Variants in CDK17 observed in about 807,000 individuals in gnomAD.
CDK17 encodes cyclin-dependent kinase 17.
Under a neutral mutation model 77.6 loss-of-function variants are expected in CDK17, and 24 were observed. The observed-to-expected ratio is 0.31, with a 90% confidence interval of 0.22 to 0.44. CDK17 has a LOEUF of 0.44. CDK17 is among the 20% of genes least tolerant of loss of function. CDK17 has a pLI of 1.00. For synonymous variants in CDK17, 203 were observed against 210.4 expected, an observed-to-expected ratio of 0.96 and a Z score of 0.30; for missense variants, 429 against 622.5, an observed-to-expected ratio of 0.69 and a Z score of 3.31.
In CDK17 at chr12:96,280,138, C is replaced by G; in HGVS notation, c.*104G>C. ...TCCACTGTGAAGAGGACAGTGTAGA[C>G]AAACGGAGATTCCAAGTCCACCAAA... On this transcript the variant is annotated 3_prime_UTR_variant, in exon 17 of 17. Transcript: ENST00000261211. The G allele has an allele frequency of 8.6e-7, 1 of 1,166,254 alleles. No homozygotes were observed. The highest frequency in any genetic ancestry group is 1.2e-6 in the Non-Finnish European group (1 of 826,444). 72.2% of individuals were successfully genotyped at this position (1,166,254 alleles called of 1,614,324 possible).
intron 5 of CDK17, among the ~76,000 whole-genome samples, chr12:96,310,817 T>G (rs1296830510): frequency 6.6e-6 from 1 of 150,730 alleles, no homozygotes; most frequent in Non-Finnish European, 1.5e-5. Context: ...ATTAATAACA[T>G]TTACCAAAAA....
intron 1 of CDK17, among the ~76,000 whole-genome samples, chr12:96,369,130 T>C (rs1041416928): frequency 1.3e-5 from 2 of 151,972 alleles, no homozygotes; most frequent in African/African-American, 2.4e-5. Flanking sequence ...ACTAATCAAA[T>C]TGGTAATTCA....
chr12:96,283,180 C>A (rs987792730), intron 14 of CDK17, among the ~76,000 whole-genome samples: 1 of 152,184 alleles, frequency 6.6e-6, no homozygotes, highest in African/African-American at 2.4e-5. Context: ...TTCTGTAAAG[C>A]TTTTGCTTCC....
intron 1 of CDK17, among the ~76,000 whole-genome samples, chr12:96,399,690 C>G (rs1254337966): frequency 6.6e-6 from 1 of 152,182 alleles, no homozygotes; most frequent in East Asian, 1.9e-4. Context: ...CAGCGAGCAC[C>G]GGAGGCGGCG....
At chr12:96,280,943 C>T in intron 15 of CDK17, 58 bp from the exon 16 acceptor site, 1 of 1,337,338 alleles carries the variant, frequency 7.5e-7, no homozygotes, top group Non-Finnish European at 1.1e-6. Flanking sequence ...CAAACACAAC[C>T]CTACTATCAA....
At chr12:96,305,439 T>C (rs1952565003) in intron 5 of CDK17, among the ~76,000 whole-genome samples, 1 of 152,214 alleles carries the variant, frequency 6.6e-6, no homozygotes, top group Non-Finnish European at 1.5e-5. Context: ...GTATGTGGTA[T>C]AGAAGAACTA....
At chr12:96,330,887 T>C (rs1045594731) in intron 2 of CDK17, among the ~76,000 whole-genome samples, 2 of 152,220 alleles carry the variant, frequency 1.3e-5, no homozygotes, top group Admixed American at 6.5e-5. Flanking sequence ...TGTTGGGTCA[T>C]ATAGTAAGTC....
At chr12:96,294,854 T>C (rs906735051) in intron 10 of CDK17, 145 bp downstream of exon 10, 2 of 641,236 alleles carry the variant, frequency 3.1e-6, no homozygotes, top group Admixed American at 7.1e-5. Context: ...CCAACCAAAG[T>C]TCTGTCAAAT....
At chr12:96,308,751 A>ATAATAG (rs1565813317) in intron 5 of CDK17, among the ~76,000 whole-genome samples, 1 of 147,734 alleles carries the variant, frequency 6.8e-6, no homozygotes, top group Non-Finnish European at 1.5e-5. Context: ...AATAATAATA[A>ATAATAG]TAATAATAAT....
rs187970264 is a variant in CDK17 at position 96,353,571 on chromosome 12, A to G, written c.-29-18706T>C. Among the ~76,000 whole-genome samples the G allele has an allele frequency of 1.9e-3, 271 of 141,702 alleles. 2 individuals carry two copies. The highest frequency in any genetic ancestry group is 6.2e-3 in the African/African-American group (245 of 39,586). The allele number at this position is 141,702 out of a possible 152,430, so 93.0% of individuals were successfully genotyped here. ...GTTTTACACACACTGCATATGTACC[A>G]CCAGAGCAAATGTCAACAGAGTTTA... On this transcript the variant is annotated intron_variant, in intron 1 of 16. Transcript: ENST00000261211.
chr12:96,361,456 TC>T (rs1565835792), intron 1 of CDK17, among the ~76,000 whole-genome samples: 1 of 152,180 alleles, frequency 6.6e-6, no homozygotes, highest in East Asian at 1.9e-4. Context: ...AGCTCCAACC[TC>T]GCAAAGCAGT....
chr12:96,331,599 T>TA (rs1254540358), intron 2 of CDK17, among the ~76,000 whole-genome samples: 2 of 152,194 alleles, frequency 1.3e-5, no homozygotes, highest in African/African-American at 4.8e-5. Context: ...ATAACTGAGT[T>TA]AAAAACCTTC....
At chr12:96,290,247 G>C (rs1057039605) in intron 10 of CDK17, among the ~76,000 whole-genome samples, 2 of 152,200 alleles carry the variant, frequency 1.3e-5, no homozygotes, top group African/African-American at 4.8e-5. Flanking sequence ...TTTATCTCTT[G>C]AGTCACTAGT....
intron 1 of CDK17, among the ~76,000 whole-genome samples, chr12:96,397,237 C>T (rs1386259754): frequency 6.6e-6 from 1 of 151,944 alleles, no homozygotes; most frequent in Non-Finnish European, 1.5e-5. Context: ...TTAAAATCTG[C>T]GCTTAGTCAA....
intron 1 of CDK17, among the ~76,000 whole-genome samples, chr12:96,377,649 T>C (rs914813750): frequency 6.0e-5 from 9 of 151,260 alleles, no homozygotes; most frequent in African/African-American, 2.2e-4. Context: ...TAGTACAAAA[T>C]GGCAATCTGG....
chr12:96,347,254 G>C (rs1205063485), intron 1 of CDK17, among the ~76,000 whole-genome samples: 1 of 152,008 alleles, frequency 6.6e-6, no homozygotes, highest in African/African-American at 2.4e-5. Context: ...AGAAGAACCA[G>C]ACAGATTTAT....
intron 1 of CDK17, among the ~76,000 whole-genome samples, chr12:96,396,912 C>G (rs1034942015): frequency 6.6e-6 from 1 of 152,122 alleles, no homozygotes; most frequent in African/African-American, 2.4e-5. Flanking sequence ...TATAAATATT[C>G]AGCATTAGTA....
chr12:96,393,575 A>T (rs530997001), intron 1 of CDK17, among the ~76,000 whole-genome samples: 2 of 152,094 alleles, frequency 1.3e-5, no homozygotes, highest in African/African-American at 4.8e-5. Context: ...TCTACTAAAA[A>T]CACAAAACTT....
chr12:96,355,265 T>C (rs1033022741), intron 1 of CDK17, among the ~76,000 whole-genome samples: 2 of 151,970 alleles, frequency 1.3e-5, no homozygotes, highest in African/African-American at 2.4e-5. Context: ...TATTTCCTTT[T>C]AGGTTCTACT....
Sources: gnomAD v4.1 joint callset for allele counts (sites outside exome capture counted in the v4.1 genomes callset) on GRCh38, gnomAD v4.1.1 for gene constraint, MANE v1.5 for transcripts, NCBI Gene and HGNC (gene_info 2026-07-23, HGNC 2026-07-21) for gene names.